CBY1: variants seen among roughly 807,000 people sequenced by gnomAD.
The protein encoded by CBY1 is chibby 1, beta catenin antagonist.
In CBY1, 10 loss-of-function variants were observed where a neutral mutation model predicts 15.6. The observed-to-expected ratio is 0.64, with a 90% CI of 0.40 to 1.09. CBY1 has a LOEUF of 1.09. Among genes scored for constraint, CBY1 ranks in the 50% least tolerant of loss-of-function variants. The pLI, the probability that CBY1 is intolerant of heterozygous loss-of-function variation, is 0.01. For synonymous variants in CBY1, 61 were observed against 63.5 expected, an observed-to-expected ratio of 0.96 and a Z score of 0.19; for missense variants, 150 against 160.5, an observed-to-expected ratio of 0.93 and a Z score of 0.35.
rs71197126 is a variant in CBY1, at chr22:38,659,861, C to CAA, written c.-39+3131_-39+3132dup. ...CGGGCGACAGAGTGAGACTCTGTCT[C>CAA]AAAAAAAAAAAAAAAAAAAAAGAAT... On this transcript the variant is annotated intron_variant, in intron 1 of 4. Coordinates refer to ENST00000216029, the MANE Select transcript of CBY1 (RefSeq NM_015373.4). Among the ~76,000 whole-genome samples the CAA allele has an allele frequency of 4.0e-3, 270 of 67,972 alleles. 2 individuals carry two copies. Among genetic ancestry groups the CAA allele is most frequent in the Non-Finnish European group, 5.5e-3 (191 of 35,032 alleles). The allele number at this position is 67,972 out of a possible 152,430, so 44.6% of individuals were successfully genotyped here.
chr22:38,663,652 C>T (rs1454210902), intron 1 of CBY1, among the ~76,000 whole-genome samples: 2 of 143,984 alleles, frequency 1.4e-5, no homozygotes, highest in Non-Finnish European at 3.0e-5. Context: ...GCTGAGATGG[C>T]GCCATTGCAC....
intron 2 of CBY1, chr22:38,668,406 C>T (rs936483732): frequency 1.3e-5 from 4 of 303,516 alleles, no homozygotes; most frequent in South Asian, 3.6e-5. Context: ...GTCTCACTCC[C>T]GTCCCACAGG....
Position 38,671,112 on chromosome 22 carries a change from G to A in CBY1, c.227G>A (p.Arg76His), listed in dbSNP as rs1418228630. Residue 76 changes from arginine (R) to histidine (H), a missense_variant, in exon 4 of 5, where the codon CGC (arginine) becomes CAC (histidine). Transcript: ENST00000216029. Reference protein sequence around the residue: ...SGGVDRREVQRLRRRNQQLEE... With the variant: ...SGGVDRREVQHLRRRNQQLEE... ...GGTGTGGACCGGAGGGAGGTTCAGC[G>A]CCTTCGCAGGCGGAACCAGCAGTTG... 24 of 1,614,230 alleles carry A rather than the reference G, an allele frequency of 1.5e-5. No homozygotes were observed. Among genetic ancestry groups the A allele is most frequent in the South Asian group, 2.2e-5 (2 of 91,086 alleles).
In CBY1 at chr22:38,671,536, A is replaced by T. The variant is rs2092452608; in HGVS notation, c.303+348A>T. ...GCAGGAATAGAGGTTAGATGAAGGC[A>T]TTCCAGGAAGAGGGGTAGAGCCGGC... is the stretch of plus-strand genomic sequence containing the variant. On this transcript the variant is annotated intron_variant, in intron 4 of 4. Coordinates refer to ENST00000216029, the MANE Select transcript of CBY1 (RefSeq NM_015373.4). 1.0e-5 allele frequency: 3 copies of T among 294,570 alleles called. No homozygotes were observed. The South Asian group carries it at 1.1e-4, about 11-fold the overall frequency. The allele number at this position is 294,570 out of a possible 1,614,324, so 18.2% of individuals were successfully genotyped here.
At chr22:38,657,883 C>T (rs5757213) in intron 1 of CBY1, among the ~76,000 whole-genome samples, 44,813 of 151,990 alleles carry the variant, frequency 0.29, 6,696 homozygotes, top group East Asian at 0.36. Context: ...GGGGCTGCTT[C>T]TTAACTGTGT....
intron 1 of CBY1, among the ~76,000 whole-genome samples, chr22:38,659,837 G>C (rs1001587482): frequency 1.3e-5 from 2 of 148,546 alleles, no homozygotes; most frequent in Non-Finnish European, 3.0e-5. Flanking sequence ...ACTCCAGCCC[G>C]GGCGACAGAG....
chr22:38,672,677 A>G (rs1047286065), intron 4 of CBY1, among the ~76,000 whole-genome samples: 2 of 152,130 alleles, frequency 1.3e-5, no homozygotes, highest in South Asian at 2.1e-4. Context: ...AGTTAGTACA[A>G]GAAAAGCACC....
In CBY1 at chr22:38,671,108, C is replaced by T. The variant is rs1007672521; in HGVS notation, c.223C>T (p.Gln75Ter). The change falls in exon 4 of 5, where the codon CAG (glutamine) becomes TAG (stop). Residue 75 changes from glutamine to a stop codon, truncating the protein, a stop_gained. Transcript: ENST00000216029. LOFTEE classifies it high-confidence loss of function. ...TGGCGGTGTGGACCGGAGGGAGGTT[C>T]AGCGCCTTCGCAGGCGGAACCAGCA... is the stretch of plus-strand genomic sequence containing the variant. ...VSGGVDRREV[Q>*]RLRRRNQQLE... is the part of the protein sequence containing the mutation. The T allele has an allele frequency of 1.2e-6, 2 of 1,614,118 alleles. No homozygotes were observed. The highest frequency in any genetic ancestry group is 1.7e-5 in the Admixed American group (1 of 60,006).
At chr22:38,665,773 A>G (rs2092434056) in intron 1 of CBY1, 3 of 1,170,876 alleles carry the variant, frequency 2.6e-6, no homozygotes, top group East Asian at 6.5e-5. Flanking sequence ...GTTGGTTCAC[A>G]CCTGTAATTC....
At chr22:38,657,315 C>A (rs1012820328) in intron 1 of CBY1, among the ~76,000 whole-genome samples, 1 of 152,182 alleles carries the variant, frequency 6.6e-6, no homozygotes, top group South Asian at 2.1e-4. Flanking sequence ...ACTATAACAT[C>A]TTGTGAGCCA....
intron 1 of CBY1, among the ~76,000 whole-genome samples, chr22:38,663,120 AAAATAAAT>A (rs760488211): frequency 2.6e-5 from 4 of 152,046 alleles, no homozygotes; most frequent in Non-Finnish European, 5.9e-5. Flanking sequence ...ACTTGATCTC[AAAATAAAT>A]AAATAAATAA....
intron 1 of CBY1, among the ~76,000 whole-genome samples, chr22:38,660,666 A>G (rs2092419847): frequency 6.6e-6 from 1 of 151,974 alleles, no homozygotes; most frequent in South Asian, 2.1e-4. Context: ...ATACACCTTC[A>G]GCCAACTGAT....
intron 4 of CBY1, among the ~76,000 whole-genome samples, chr22:38,672,795 C>T (rs183853987): frequency 3.2e-4 from 49 of 152,116 alleles, no homozygotes; most frequent in African/African-American, 9.9e-4. Context: ...AGCATTTTTT[C>T]CCCTCATCCC....
intron 1 of CBY1, 113 bp from the exon 2 acceptor site, chr22:38,667,895 TCAAACCATA>T: frequency 1.6e-6 from 1 of 615,370 alleles, no homozygotes; most frequent in Middle Eastern, 3.2e-4. Context: ...GTGGGGACAT[TCAAACCATA>T]GCACCAGGAT....
rs1420196557 is a variant in CBY1, at chr22:38,668,054, G to T, written c.-1G>T. ...CTGGCTTTGCTTTCATCAGGCCAAAGATGCCTTTCTTTGGGAATACGTTCA... is the reference window on the plus strand; with the variant it reads ...CTGGCTTTGCTTTCATCAGGCCAAATATGCCTTTCTTTGGGAATACGTTCA... On this transcript the variant is annotated 5_prime_UTR_variant, in exon 2 of 5. Transcript: ENST00000216029. 3 of 1,613,970 alleles carry T rather than the reference G, an allele frequency of 1.9e-6. No individual in the cohort carries two copies. Among genetic ancestry groups the T allele is most frequent in the South Asian group, 2.2e-5 (2 of 91,078 alleles).
chr22:38,665,025 G>A (rs8137829), intron 1 of CBY1, among the ~76,000 whole-genome samples: 44,667 of 151,918 alleles, frequency 0.29, 6,659 homozygotes, highest in East Asian at 0.36. Flanking sequence ...TCAATTTTTT[G>A]TAGAGATGAG....
intron 1 of CBY1, among the ~76,000 whole-genome samples, chr22:38,662,840 A>C (rs1200025533): frequency 1.3e-5 from 2 of 152,134 alleles, no homozygotes; most frequent in Admixed American, 1.3e-4. Context: ...AGCACTAATC[A>C]TTAAGAAATA....
intron 1 of CBY1, among the ~76,000 whole-genome samples, chr22:38,660,604 ATG>A (rs1159473700): frequency 6.7e-6 from 1 of 150,042 alleles, no homozygotes. Flanking sequence ...TATACCATAT[ATG>A]TGTGTGTACA....
intron 4 of CBY1, among the ~76,000 whole-genome samples, chr22:38,672,217 G>A (rs369844680): frequency 5.7e-4 from 86 of 151,066 alleles, no homozygotes; most frequent in African/African-American, 2.0e-3. Flanking sequence ...GGCTGAGATC[G>A]CGCCACTGTA....
Sources: allele counts gnomAD v4.1 joint callset (sites outside exome capture counted in the v4.1 genomes callset), GRCh38; gene constraint gnomAD v4.1.1; transcripts MANE v1.5; gene names NCBI Gene and HGNC (gene_info 2026-07-23, HGNC 2026-07-21).